Variants in HS6ST2 observed in about 807,000 individuals in gnomAD.
HS6ST2 encodes heparan-sulfate 6-O-sulfotransferase 2.
Under a neutral mutation model 33.0 loss-of-function variants are expected in HS6ST2, and 17 were observed. That is an observed-to-expected ratio of 0.52 (90% CI 0.35 to 0.77). The LOEUF (loss-of-function observed/expected upper bound fraction) is 0.77. HS6ST2 is among the 30% of genes least tolerant of loss of function. The probability of loss-of-function intolerance (pLI) is 0.01; values close to 1 mark genes in which losing one functional copy is unlikely to be tolerated. For missense variants in HS6ST2, 519 were observed against 551.7 expected (o/e 0.94, Z 0.59); for synonymous variants, 248 against 237.1 (o/e 1.05, Z -0.42).
chrX:132,829,366 A>C (rs910629379), intron 2 of HS6ST2, among the ~76,000 whole-genome samples: 3 of 107,829 alleles, frequency 2.8e-5, no homozygotes, highest in African/African-American at 1.0e-4. Flanking sequence ...TGCTGCTCAG[A>C]TAGATCAATC....
intron 2 of HS6ST2, among the ~76,000 whole-genome samples, chrX:132,799,536 C>T (rs2065215638): frequency 9.2e-6 from 1 of 109,045 alleles, no homozygotes; most frequent in Non-Finnish European, 1.9e-5. Context: ...ATCACGCCTG[C>T]CTAATTTTTG....
At chrX:132,916,009 A>G (rs977400142) in intron 2 of HS6ST2, among the ~76,000 whole-genome samples, 7 of 111,050 alleles carry the variant, frequency 6.3e-5, no homozygotes, top group Admixed American at 9.6e-5. Flanking sequence ...CTGGGATTAC[A>G]GACGTGAGCC....
At chrX:132,893,505 T>C (rs2066336758) in intron 2 of HS6ST2, among the ~76,000 whole-genome samples, 1 of 111,485 alleles carries the variant, frequency 9.0e-6, no homozygotes, top group Non-Finnish European at 1.9e-5. Context: ...AAGTTAGGGG[T>C]CTAAGGCTCT....
At chrX:132,884,649 A>G (rs752421335) in intron 2 of HS6ST2, among the ~76,000 whole-genome samples, 12 of 112,181 alleles carry the variant, frequency 1.1e-4, no homozygotes, top group South Asian at 7.4e-4. Flanking sequence ...AATTTTCAAA[A>G]TTAATTTGAA....
At chrX:132,646,609 C>A (rs1480254133) in intron 4 of HS6ST2, among the ~76,000 whole-genome samples, 1 of 109,078 alleles carries the variant, frequency 9.2e-6, no homozygotes, top group Non-Finnish European at 1.9e-5. Flanking sequence ...CTAAGTGTAC[C>A]TGGAGCTCAC....
At chrX:132,637,925 T>TAATATTATATATAATATTTTATATATA (rs1174173315) in intron 4 of HS6ST2, among the ~76,000 whole-genome samples, 84 of 36,730 alleles carry the variant, frequency 2.3e-3, no homozygotes, top group African/African-American at 6.6e-3. Context: ...ATTTTATATA[T>TAATATTATATATAATATTTTATATATA]ATATTATATA....
Position 132,627,220 on chromosome X carries a change from T to C in HS6ST2, c.*1003A>G, listed in dbSNP as rs2063485541. On this transcript the variant is annotated 3_prime_UTR_variant, in exon 5 of 5. Coordinates refer to ENST00000370833, the MANE Select transcript of HS6ST2 (RefSeq NM_001394073.1). ...CAATATTTTTAGACACATTATCCTG[T>C]TCAAGTTTCTTGATTAGGACCTCAC... 3 of 112,764 alleles carry C rather than the reference T, an allele frequency of 2.7e-5. No individual in the cohort carries two copies. The Admixed American group carries it at 2.8e-4, about 11-fold the overall frequency. 9.3% of individuals were successfully genotyped at this position (112,764 alleles called of 1,213,427 possible).
chrX:132,709,909 T>C (rs901037797), intron 2 of HS6ST2, among the ~76,000 whole-genome samples: 1 of 110,918 alleles, frequency 9.0e-6, no homozygotes, highest in Non-Finnish European at 1.9e-5. Context: ...ATTCCAAAGT[T>C]AAGTATGCAG....
chrX:132,679,787 G>A (rs945390471), intron 3 of HS6ST2, among the ~76,000 whole-genome samples: 32 of 108,421 alleles, frequency 3.0e-4, no homozygotes, highest in Middle Eastern at 4.8e-3. Context: ...ACCCCCAGGC[G>A]CGTATTCTCT....
chrX:132,828,974 A>G (rs1205198990), intron 2 of HS6ST2, among the ~76,000 whole-genome samples: 2 of 103,267 alleles, frequency 1.9e-5, no homozygotes, highest in Non-Finnish European at 3.9e-5. Flanking sequence ...GAATTTTCTA[A>G]CATTAATTAC....
chrX:132,738,922 G>A (rs771868705), intron 2 of HS6ST2, among the ~76,000 whole-genome samples: 1 of 111,908 alleles, frequency 8.9e-6, no homozygotes, highest in African/African-American at 3.3e-5. Context: ...CTAGACCCTG[G>A]ATTTTGTGGA....
At chrX:132,792,759 G>A (rs1007350938) in intron 2 of HS6ST2, among the ~76,000 whole-genome samples, 4 of 111,332 alleles carry the variant, frequency 3.6e-5, no homozygotes, top group African/African-American at 1.3e-4. Flanking sequence ...ACAATAAATG[G>A]CCTTTGTGTC....
chrX:132,801,263 T>C (rs2065232106), intron 2 of HS6ST2, among the ~76,000 whole-genome samples: 2 of 109,775 alleles, frequency 1.8e-5, no homozygotes, highest in Non-Finnish European at 3.8e-5. Flanking sequence ...GTCACTGCAC[T>C]CCAGCCTGGG....
chrX:132,817,255 G>A (rs981127899), intron 2 of HS6ST2, among the ~76,000 whole-genome samples: 2 of 110,932 alleles, frequency 1.8e-5, no homozygotes, highest in Non-Finnish European at 3.8e-5. Context: ...AGAGGGTTTG[G>A]GTGGCTTCTG....
At chrX:132,814,891 G>A (rs1257092679) in intron 2 of HS6ST2, among the ~76,000 whole-genome samples, 6 of 111,657 alleles carry the variant, frequency 5.4e-5, no homozygotes, top group Admixed American at 4.8e-4. Flanking sequence ...TTCTTCTCTC[G>A]CCCTCTTCAG....
chrX:132,927,235 T>A (rs1444370600), intron 2 of HS6ST2, among the ~76,000 whole-genome samples: 7 of 110,841 alleles, frequency 6.3e-5, no homozygotes, highest in African/African-American at 2.3e-4. Context: ...CCTCTCTGCA[T>A]CCCCACAATC....
intron 2 of HS6ST2, among the ~76,000 whole-genome samples, chrX:132,737,832 G>A (rs2064523583): frequency 1.8e-5 from 2 of 112,487 alleles, no homozygotes; most frequent in East Asian, 2.8e-4. Flanking sequence ...CAGATTAGGC[G>A]TGGGAGGGCT....
intron 2 of HS6ST2, among the ~76,000 whole-genome samples, chrX:132,801,629 C>T (rs1453119658): frequency 9.0e-6 from 1 of 111,454 alleles, no homozygotes; most frequent in Non-Finnish European, 1.9e-5. Context: ...GGGACTACAG[C>T]TTAGAATGGC....
chrX:132,807,693 G>A (rs922692723), intron 2 of HS6ST2, among the ~76,000 whole-genome samples: 1 of 112,127 alleles, frequency 8.9e-6, no homozygotes, highest in East Asian at 2.8e-4. Flanking sequence ...TGTGAGAAGC[G>A]AAAACTCTAG....
Sources: allele counts gnomAD v4.1 joint callset (sites outside exome capture counted in the v4.1 genomes callset), GRCh38; gene constraint gnomAD v4.1.1; transcripts MANE v1.5; gene names NCBI Gene and HGNC (gene_info 2026-07-23, HGNC 2026-07-21).